CASK: variants seen among roughly 807,000 people sequenced by gnomAD.
The protein encoded by CASK is peripheral plasma membrane protein CASK.
Under a neutral mutation model 82.9 loss-of-function variants are expected in CASK, and 4 were observed. That is an observed-to-expected ratio of 0.05 (90% CI 0.02 to 0.11). The LOEUF is 0.11. CASK is among the 10% of genes least tolerant of loss of function. CASK has a pLI of 1.00. For synonymous variants in CASK, 259 were observed against 253.5 expected, an observed-to-expected ratio of 1.02 and a Z score of -0.20; for missense variants, 358 against 720.9, an observed-to-expected ratio of 0.50 and a Z score of 5.76.
At chrX:41,894,671 A>G (rs1407239436) in intron 1 of CASK, among the ~76,000 whole-genome samples, 1 of 108,945 alleles carries the variant, frequency 9.2e-6, no homozygotes, top group Admixed American at 9.8e-5. Flanking sequence ...TGAAAAGCAG[A>G]CCCAGAGCAA....
intron 5 of CASK, chrX:41,727,731 G>A (rs372442057): frequency 7.8e-5 from 94 of 1,203,182 alleles, no homozygotes; most frequent in Middle Eastern, 2.3e-4. Flanking sequence ...GAACCTGTAC[G>A]TCCATTATGG....
At chrX:41,806,686 T>C (rs905584554) in intron 2 of CASK, among the ~76,000 whole-genome samples, 5 of 112,210 alleles carry the variant, frequency 4.5e-5, no homozygotes, top group African/African-American at 1.6e-4. Flanking sequence ...ACCATGCTAT[T>C]GAGTGAACTC....
chrX:41,883,379 CAGG>C (rs1273087607), intron 1 of CASK, among the ~76,000 whole-genome samples: 1 of 111,386 alleles, frequency 9.0e-6, no homozygotes, highest in Non-Finnish European at 1.9e-5. Flanking sequence ...GCTGTCTTAG[CAGG>C]AGATGAAACC....
chrX:41,913,254 C>T (rs1391380371), intron 1 of CASK, among the ~76,000 whole-genome samples: 1 of 112,023 alleles, frequency 8.9e-6, no homozygotes, highest in South Asian at 3.7e-4. Context: ...TGCTAAATGA[C>T]GAGTTAATGG....
At chrX:41,579,690 A>C (rs751831025) in intron 14 of CASK, among the ~76,000 whole-genome samples, 7 of 112,193 alleles carry the variant, frequency 6.2e-5, no homozygotes, top group Non-Finnish European at 9.4e-5. Context: ...TCTGTGCGGT[A>C]ATATCTGCAG....
chrX:41,862,682 G>A (rs976223153), intron 1 of CASK, among the ~76,000 whole-genome samples: 2 of 111,011 alleles, frequency 1.8e-5, no homozygotes, highest in African/African-American at 3.3e-5. Context: ...AGTGAGAGAC[G>A]TTGTGGAGTG....
chrX:41,694,535 A>G (rs1249222518), intron 5 of CASK, among the ~76,000 whole-genome samples: 1 of 112,303 alleles, frequency 8.9e-6, no homozygotes, highest in Non-Finnish European at 1.9e-5. Context: ...ATCTCTTCGA[A>G]GGTTCTAGCA....
intron 5 of CASK, among the ~76,000 whole-genome samples, chrX:41,703,546 T>C (rs937117401): frequency 2.7e-5 from 3 of 112,716 alleles, no homozygotes; most frequent in African/African-American, 9.7e-5. Flanking sequence ...TCATTTTCAC[T>C]GATGTAGTGT....
At chrX:41,721,825 TCTC>T (rs1411236222) in intron 5 of CASK, among the ~76,000 whole-genome samples, 1 of 112,118 alleles carries the variant, frequency 8.9e-6, no homozygotes, top group Non-Finnish European at 1.9e-5. Flanking sequence ...TAGGTTATGT[TCTC>T]CTCTCTTTCC....
At chrX:41,607,895 C>CTG (rs1239214048) in intron 12 of CASK, among the ~76,000 whole-genome samples, 1 of 112,067 alleles carries the variant, frequency 8.9e-6, no homozygotes, top group Non-Finnish European at 1.9e-5. Flanking sequence ...CTGCATTGGA[C>CTG]TGTGAAGTGA....
In CASK at chrX:41,895,231, C is replaced by T. The variant is rs148201645; in HGVS notation, c.59+27699G>A. The stretch of plus-strand genomic sequence containing the variant: ...AAGAATGATCCATTCTTTTCCTTCA[C>T]GAGACGCACTGTGGATAAAAATAAG... On this transcript the variant is annotated intron_variant, in intron 1 of 26. Transcript: ENST00000378163. Among the ~76,000 whole-genome samples, 384 of 111,785 alleles carry T rather than the reference C, an allele frequency of 3.4e-3. 1 individual carries two copies. The highest frequency in any genetic ancestry group is 0.011 in the African/African-American group (327 of 30,831).
intron 11 of CASK, among the ~76,000 whole-genome samples, chrX:41,620,311 C>T (rs923053769): frequency 4.5e-5 from 5 of 111,941 alleles, no homozygotes; most frequent in Non-Finnish European, 7.5e-5. Flanking sequence ...CAGATTTTCA[C>T]AAAATAACAC....
intron 3 of CASK, among the ~76,000 whole-genome samples, chrX:41,759,397 T>C (rs1352842880): frequency 8.9e-6 from 1 of 112,101 alleles, no homozygotes; most frequent in Non-Finnish European, 1.9e-5. Context: ...AAAAAGCTGT[T>C]TTTTCTTTCC....
chrX:41,559,129 A>G (rs928980016), intron 18 of CASK: 2 of 112,558 alleles, frequency 1.8e-5, no homozygotes, highest in African/African-American at 6.5e-5. Flanking sequence ...ACTGAATAAT[A>G]TAGGTTGGAA....
chrX:41,837,177 A>G (rs2070941706), intron 2 of CASK, among the ~76,000 whole-genome samples: 1 of 112,323 alleles, frequency 8.9e-6, no homozygotes, highest in Non-Finnish European at 1.9e-5. Context: ...ATAATTGTAC[A>G]TTAACAGAAA....
intron 18 of CASK, 119 bp downstream of exon 18, chrX:41,559,660 G>A: frequency 3.4e-6 from 2 of 591,329 alleles, no homozygotes; most frequent in Non-Finnish European, 5.8e-6. Context: ...TAAAATTGGT[G>A]TGCAGTGATC....
rs182187874 is a variant in CASK at position 41,792,510 on chromosome X, G to A, written c.173-5227C>T. Among the ~76,000 whole-genome samples the A allele has an allele frequency of 2.7e-3, 292 of 110,028 alleles. 2 individuals carry two copies. The highest frequency in any genetic ancestry group is 8.5e-3 in the African/African-American group (257 of 30,211). On this transcript the variant is annotated intron_variant, in intron 2 of 26. Transcript: ENST00000378163. ...TCGCTATGTTGCCCGGGTTGATCTCGAATTCCTGGCCTCAATCAATCTTCC... is the reference window on the plus strand; with the variant it reads ...TCGCTATGTTGCCCGGGTTGATCTCAAATTCCTGGCCTCAATCAATCTTCC...
intron 2 of CASK, among the ~76,000 whole-genome samples, chrX:41,839,564 T>A (rs1269901701): frequency 9.2e-6 from 1 of 109,085 alleles, no homozygotes; most frequent in African/African-American, 3.3e-5. Flanking sequence ...TTTTAATTTT[T>A]CTGCGTAGAC....
At chrX:41,669,089 A>C (rs2067159276) in intron 6 of CASK, among the ~76,000 whole-genome samples, 1 of 111,902 alleles carries the variant, frequency 8.9e-6, no homozygotes, top group Admixed American at 9.5e-5. Flanking sequence ...GAAATAATTT[A>C]TCTCTAATTT....
Sources: allele counts gnomAD v4.1 joint callset (sites outside exome capture counted in the v4.1 genomes callset), GRCh38; gene constraint gnomAD v4.1.1; transcripts MANE v1.5; gene names NCBI Gene and HGNC (gene_info 2026-07-23, HGNC 2026-07-21).